The following SEMA6C variants were observed in gnomAD, a reference collection of about 807,000 sequenced individuals.
SEMA6C encodes the protein semaphorin-6C.
Under a neutral mutation model 72.9 loss-of-function variants are expected in SEMA6C, and 37 were observed. The observed-to-expected ratio is 0.51, with a 90% CI of 0.39 to 0.67. SEMA6C has a LOEUF of 0.67. SEMA6C is among the 30% of genes least tolerant of loss of function. The pLI is 0.00. For synonymous variants in SEMA6C, 578 were observed against 554.1 expected, an observed-to-expected ratio of 1.04 and a Z score of -0.61; for missense variants, 1,189 against 1,263.6, an observed-to-expected ratio of 0.94 and a Z score of 0.89.
chr1:151,137,527 G>A (rs960519241), intron 10 of SEMA6C, among the ~76,000 whole-genome samples, 184 bp downstream of exon 10: 3 of 151,858 alleles, frequency 2.0e-5, no homozygotes, highest in African/African-American at 7.3e-5. Flanking sequence ...GGTCAACTTG[G>A]GTCAAGGGTG....
chr1:151,136,796 G>A (rs909061327), intron 11 of SEMA6C, 61 bp downstream of exon 11: 16 of 1,489,798 alleles, frequency 1.1e-5, no homozygotes, highest in Non-Finnish European at 1.5e-5. Context: ...TGTGAAAGGG[G>A]AGTTTGGAGG....
chr1:151,135,518 A>G (rs1572026837), intron 14 of SEMA6C, 73 bp downstream of exon 14: 2 of 1,532,882 alleles, frequency 1.3e-6, no homozygotes, highest in African/African-American at 1.4e-5. Flanking sequence ...TTTCCAACCT[A>G]TTCCCGAATC....
At position 151,140,855 on chromosome 1, in the gene SEMA6C, A is replaced by G. The variant is rs372432860; in HGVS notation, c.119-765T>C. Reference sequence around the variant, plus strand: ...TAAAAATACAAAAACAAAATTAGCCAGGCGTGGTGGCGGGCGCCTGTAGTC... The same window carrying G: ...TAAAAATACAAAAACAAAATTAGCCGGGCGTGGTGGCGGGCGCCTGTAGTC... On this transcript the variant is annotated intron_variant, in intron 3 of 18. Transcript: ENST00000368914. 2.1e-3 allele frequency among the ~76,000 whole-genome samples: 315 copies of G among 152,234 alleles called. 2 individuals carry two copies. The Middle Eastern group carries it at 0.024, about 12-fold the overall frequency.
In SEMA6C at chr1:151,146,621, A is replaced by G. The variant is rs1356507520; in HGVS notation, c.-293T>C. On this transcript the variant is annotated 5_prime_UTR_variant, in exon 1 of 19. Coordinates refer to ENST00000368914, the MANE Select transcript of SEMA6C (RefSeq NM_030913.6). The surrounding 1 kb of genome is among the most constrained non-coding windows in gnomAD (Gnocchi z 4.6). Reference sequence around the variant, plus strand: ...TCCAAGTCCAGCCGCGGATCCGCGGAGGAAAACAATGCGACCGCCCGGGGC... The same window carrying G: ...TCCAAGTCCAGCCGCGGATCCGCGGGGGAAAACAATGCGACCGCCCGGGGC... 1.3e-5 allele frequency: 2 copies of G among 152,160 alleles called. No individual in the cohort carries two copies. The highest frequency in any genetic ancestry group is 2.9e-5 in the Non-Finnish European group (2 of 68,024). The allele number at this position is 152,160 out of a possible 1,614,324, so 9.4% of individuals were successfully genotyped here.
intron 2 of SEMA6C, among the ~76,000 whole-genome samples, chr1:151,142,998 C>G (rs1021851886): frequency 1.3e-5 from 2 of 152,186 alleles, no homozygotes; most frequent in African/African-American, 4.8e-5. Context: ...CCTGGCCCCC[C>G]TCTTGCTAAC....
chr1:151,137,411 A>AGT (rs1682128256), intron 10 of SEMA6C, among the ~76,000 whole-genome samples: 1 of 141,424 alleles, frequency 7.1e-6, no homozygotes, highest in Non-Finnish European at 1.5e-5. Context: ...GCGCCACTGC[A>AGT]CTCCAGCCTG....
At position 151,138,388 on chromosome 1, in the gene SEMA6C, CCTG is replaced by C. The variant is rs1378671576; in HGVS notation, c.472_474del (p.Gln158del). 6 of 1,613,830 alleles carry C rather than the reference CCTG, an allele frequency of 3.7e-6. No individual in the cohort carries two copies. The highest frequency in any genetic ancestry group is 5.1e-6 in the Non-Finnish European group (6 of 1,179,862). On this transcript the variant is annotated inframe_deletion, in exon 8 of 19. Coordinates refer to ENST00000368914, the MANE Select transcript of SEMA6C (RefSeq NM_030913.6). ...GCCTGCCCACTCAGTTCCTCACCCT[CCTG>C]CTGCAGCGAAGTTATCTGAGGGCAG...
chr1:151,133,653 C>T lies in SEMA6C; in HGVS notation c.1760-136G>A. On this transcript the variant is annotated intron_variant, in intron 18 of 18. Coordinates refer to ENST00000368914, the MANE Select transcript of SEMA6C (RefSeq NM_030913.6). The surrounding 1 kb of genome is among the most constrained non-coding windows in gnomAD (Gnocchi z 5.9). ...CTACTCAGCCTCACTCCTACAGCCTCCACCATCCTCAGGATTCACCTCTCC... is the reference window on the plus strand; with the variant it reads ...CTACTCAGCCTCACTCCTACAGCCTTCACCATCCTCAGGATTCACCTCTCC... The T allele has an allele frequency of 7.3e-7, 1 of 1,370,244 alleles. No individual in the cohort carries two copies. Among genetic ancestry groups the T allele is most frequent in the Non-Finnish European group, 9.6e-7 (1 of 1,038,888 alleles). 84.9% of individuals were successfully genotyped at this position (1,370,244 alleles called of 1,614,324 possible).
At position 151,135,685 on chromosome 1, in the gene SEMA6C, C is replaced by G. The variant is rs375130927; in HGVS notation, c.1339G>C (p.Asp447His). Reference sequence around the variant, plus strand: ...GTCAGCACCTTCAGCACTGTCCCATCATTGGAGCCAAGGAACATGACTGTG... The same window carrying G: ...GTCAGCACCTTCAGCACTGTCCCATGATTGGAGCCAAGGAACATGACTGTG... ...NITVMFLGSN[D>H]GTVLKVLTPG... The change falls in exon 14 of 19, where the codon GAT becomes CAT. Residue 447 changes from aspartate to histidine, a missense_variant. Physicochemically the swap from Asp to His is moderately conservative, Grantham distance 81. Coordinates refer to ENST00000368914, the MANE Select transcript of SEMA6C (RefSeq NM_030913.6). 2 of 1,614,092 alleles carry G rather than the reference C, an allele frequency of 1.2e-6. No individual in the cohort carries two copies. The highest frequency in any genetic ancestry group is 1.7e-6 in the Non-Finnish European group (2 of 1,180,028).
Position 151,134,838 on chromosome 1 carries a change from G to A in SEMA6C, c.1618C>T (p.His540Tyr). The A allele has an allele frequency of 3.1e-6, 5 of 1,614,140 alleles. No homozygotes were observed. The highest frequency in any genetic ancestry group is 4.2e-6 in the Non-Finnish European group (5 of 1,179,998). Residue 540 changes from histidine (H) to tyrosine (Y), a missense_variant, in exon 16 of 19, where the codon CAT becomes TAT. By Grantham distance (83) the His-to-Tyr change is moderately conservative. Coordinates refer to ENST00000368914, the MANE Select transcript of SEMA6C (RefSeq NM_030913.6). ...ATATCCACACAGCCCCTGGAGCTAT[G>A]CCATCCACAGTATGGGTCCTGAGAA... ...LASQDPYCGW[H>Y]SSRGCVDIRG...
At chr1:151,139,281 G>A (rs1463766680) in intron 6 of SEMA6C, 144 bp downstream of exon 6, 3 of 741,448 alleles carry the variant, frequency 4.0e-6, no homozygotes, top group Non-Finnish European at 7.0e-6. Flanking sequence ...TGAAAATCAG[G>A]AATTCTCTTT....
rs1358589813 is a variant in SEMA6C at position 151,146,529 on chromosome 1, G to GCGAT, written c.-205_-202dup. The GCGAT allele has an allele frequency of 2.6e-5, 4 of 152,314 alleles. No homozygotes were observed. Among genetic ancestry groups the GCGAT allele is most frequent in the Admixed American group, 6.5e-5 (1 of 15,286 alleles). 9.4% of individuals were successfully genotyped at this position (152,314 alleles called of 1,614,324 possible). A position where few individuals can be genotyped will look rare whatever the true frequency, so the allele number is the denominator to read the frequency against. ...ATCCGTGGTTGTGCTCAGGCGAGATGCGATGAGCGTCCGAATTGGATGGTG... is the reference window on the plus strand; with the variant it reads ...ATCCGTGGTTGTGCTCAGGCGAGATGCGATCGATGAGCGTCCGAATTGGATGGTG... On this transcript the variant is annotated 5_prime_UTR_variant, in exon 1 of 19. Transcript: ENST00000368914. The surrounding 1 kb of genome is among the most constrained non-coding windows in gnomAD (Gnocchi z 4.6).
chr1:151,137,444 T>C (rs1273576902), intron 10 of SEMA6C, among the ~76,000 whole-genome samples: 2 of 13,760 alleles, frequency 1.5e-4, no homozygotes, highest in Admixed American at 9.0e-4. Flanking sequence ...AGACTCCGTC[T>C]CAAAAAAAAA....
Position 151,133,429 on chromosome 1 carries a change from C to A in SEMA6C, c.1848G>T (p.Leu616=). 6.3e-7 allele frequency: 1 copy of A among 1,587,102 alleles called. No individual in the cohort carries two copies. Among genetic ancestry groups the A allele is most frequent in the East Asian group, 2.3e-5 (1 of 44,102 alleles). The change falls in exon 19 of 19, where the codon CTG becomes CTT. Residue 616 remains leucine, a synonymous_variant. Transcript: ENST00000368914. This position sits in a 1 kb window ranked among gnomAD's most constrained non-coding sequence, Gnocchi z 5.9. ...CCAGGAGGCCAGAGACTGAGGCGCC[C>A]AGGGCAAAAGCTGCGGCCACACTGG... The part of the protein sequence containing the change: ...LLASVAAAFA[L]GASVSGLLVS...
chr1:151,142,985 C>A (rs1327583168), intron 2 of SEMA6C, among the ~76,000 whole-genome samples: 1 of 152,176 alleles, frequency 6.6e-6, no homozygotes, highest in Non-Finnish European at 1.5e-5. Context: ...GTAGGTGACA[C>A]CTCCTGGCCC....
chr1:151,133,360 G>A lies in SEMA6C; in HGVS notation c.1917C>T (p.Asp639=). The change falls in exon 19 of 19, where the codon GAC becomes GAT. Residue 639 remains aspartate (D), a synonymous_variant. Transcript: ENST00000368914. The surrounding 1 kb of genome is among the most constrained non-coding windows in gnomAD (Gnocchi z 5.9). ...GGCGCGGGAGCCCCGGAGTCTCGAT[G>A]TCCTTGCCCCGACGTCGGTGGGCGC... ...CRRAHRRRGK[D]IETPGLPRPL... The A allele has an allele frequency of 6.2e-7, 1 of 1,600,382 alleles. No homozygotes were observed. The highest frequency in any genetic ancestry group is 1.3e-5 in the African/African-American group (1 of 74,818).
Position 151,132,454 on chromosome 1 carries a change from C to T in SEMA6C, c.*30G>A, listed in dbSNP as rs777938295. On this transcript the variant is annotated 3_prime_UTR_variant, in exon 19 of 19. Transcript: ENST00000368914. Reference sequence around the variant, plus strand: ...TCGTGGCCGAGAGGACTCGGGCGCTCCCCACGCTGGAGGCCGTGGGCCGCT... The same window carrying T: ...TCGTGGCCGAGAGGACTCGGGCGCTTCCCACGCTGGAGGCCGTGGGCCGCT... 4.5e-4 allele frequency: 697 copies of T among 1,538,524 alleles called. No homozygotes were observed. Among genetic ancestry groups the T allele is most frequent in the Non-Finnish European group, 5.5e-4 (630 of 1,140,218 alleles).
At position 151,136,784 on chromosome 1, in the gene SEMA6C, G is replaced by T. The variant is rs1011242867; in HGVS notation, c.974+73C>A. ...GTTCCCTTAACTGCCCCATCAGTAG[G>T]CTGTGAAAGGGGAGTTTGGAGGCTG... On this transcript the variant is annotated intron_variant, in intron 11 of 18. Transcript: ENST00000368914. 15 of 1,443,362 alleles carry T rather than the reference G, an allele frequency of 1.0e-5. No individual in the cohort carries two copies. The Admixed American group carries it at 1.5e-4, about 15-fold the overall frequency. 89.4% of individuals were successfully genotyped at this position (1,443,362 alleles called of 1,614,324 possible). A position where few individuals can be genotyped will look rare whatever the true frequency, so the allele number is the denominator to read the frequency against.
intron 11 of SEMA6C, 56 bp from the exon 12 acceptor site, chr1:151,136,635 C>T: frequency 6.2e-7 from 1 of 1,603,472 alleles, no homozygotes; most frequent in East Asian, 2.2e-5. Flanking sequence ...CACAACTTCC[C>T]CCAGGAAGAA....
Sources: gnomAD v4.1 joint callset for allele counts (sites outside exome capture counted in the v4.1 genomes callset) on GRCh38, gnomAD v4.1.1 for gene constraint, Gnocchi (gnomAD v3.1) non-coding constraint, MANE v1.5 for transcripts, NCBI Gene and HGNC (gene_info 2026-07-23, HGNC 2026-07-21) for gene names.